MGAT5: variants seen among roughly 807,000 people sequenced by gnomAD.
MGAT5 encodes the protein alpha-1,6-mannosylglycoprotein 6-beta-N-acetylglucosaminyltransferase A.
MGAT5 carries 30 observed loss-of-function variants against 94.3 expected under a neutral mutation model. The ratio of observed to expected loss-of-function variants is 0.32; its 90% confidence interval spans 0.24 to 0.43. MGAT5 has a LOEUF of 0.43. Among genes scored for constraint, MGAT5 ranks in the 20% least tolerant of loss-of-function variants. The pLI, the probability that MGAT5 is intolerant of heterozygous loss-of-function variation, is 1.00. For missense variants in MGAT5, 691 were observed against 905.5 expected (o/e 0.76, Z 3.04); for synonymous variants, 310 against 322.9 (o/e 0.96, Z 0.43).
chr2:134,264,290 G>A (rs933276485), intron 1 of MGAT5, among the ~76,000 whole-genome samples: 12 of 152,136 alleles, frequency 7.9e-5, no homozygotes, highest in African/African-American at 2.4e-4. Flanking sequence ...CCAAAGTGCT[G>A]GGATTACAGG....
At chr2:134,362,481 G>A in intron 10 of MGAT5, 73 bp downstream of exon 10, 1 of 1,561,808 alleles carries the variant, frequency 6.4e-7, no homozygotes. Context: ...TTTGATCCAG[G>A]GAATAATCAA....
chr2:134,147,222 G>A (rs1252565960), intron 1 of MGAT5, among the ~76,000 whole-genome samples: 1 of 152,182 alleles, frequency 6.6e-6, no homozygotes, highest in Non-Finnish European at 1.5e-5. Flanking sequence ...AGAATACTGT[G>A]ATTTGGGAAA....
At chr2:134,198,665 T>C (rs1012306110) in intron 1 of MGAT5, among the ~76,000 whole-genome samples, 3 of 152,194 alleles carry the variant, frequency 2.0e-5, no homozygotes, top group Admixed American at 1.3e-4. Flanking sequence ...TGGGTTCCTA[T>C]GATATATTGT....
intron 1 of MGAT5, among the ~76,000 whole-genome samples, chr2:134,173,015 C>A (rs756757268): frequency 6.6e-6 from 1 of 152,148 alleles, no homozygotes; most frequent in African/African-American, 2.4e-5. Flanking sequence ...GCTAGGAAAT[C>A]GTGTGACCAC....
intron 1 of MGAT5, among the ~76,000 whole-genome samples, chr2:134,214,656 C>T (rs1680375312): frequency 6.6e-6 from 1 of 152,036 alleles, no homozygotes. Context: ...ATACTCTTCT[C>T]ATCCTATCAC....
At chr2:134,236,523 A>G (rs542944982) in intron 1 of MGAT5, among the ~76,000 whole-genome samples, 49 of 152,214 alleles carry the variant, frequency 3.2e-4, no homozygotes, top group Non-Finnish European at 5.7e-4. Context: ...ACAAGATCTA[A>G]TGGTTTTATA....
chr2:134,260,485 TC>T, intron 1 of MGAT5, among the ~76,000 whole-genome samples: 1 of 152,180 alleles, frequency 6.6e-6, no homozygotes, highest in Non-Finnish European at 1.5e-5. Context: ...GTGTTGCAGA[TC>T]CAGATAACGT....
chr2:134,359,829 C>T (rs1487720205), intron 9 of MGAT5, among the ~76,000 whole-genome samples: 3 of 152,230 alleles, frequency 2.0e-5, no homozygotes, highest in Middle Eastern at 3.4e-3. Context: ...AAGACCAGGG[C>T]GCTCTCGGCA....
At chr2:134,253,296 G>C (rs1366829851), upstream of MGAT5, 1 of 152,252 alleles carries the variant, frequency 6.6e-6, no homozygotes, top group African/African-American at 2.4e-5. Flanking sequence ...CCCTTGAGTG[G>C]CACTTAGAAA....
chr2:134,344,598 AG>A (rs1688816973), intron 7 of MGAT5, among the ~76,000 whole-genome samples: 1 of 152,144 alleles, frequency 6.6e-6, no homozygotes, highest in Admixed American at 6.6e-5. Flanking sequence ...GTTTTCTGGA[AG>A]ATGAGCAAAG....
intron 14 of MGAT5, among the ~76,000 whole-genome samples, chr2:134,430,431 G>A (rs3791320): frequency 0.096 from 14,566 of 152,178 alleles, 962 homozygotes; most frequent in East Asian, 0.26. Flanking sequence ...CCATAATGCA[G>A]AGGCTCCACC....
chr2:134,323,294 G>A (rs892257796), intron 4 of MGAT5, among the ~76,000 whole-genome samples: 1 of 152,140 alleles, frequency 6.6e-6, no homozygotes, highest in Non-Finnish European at 1.5e-5. Flanking sequence ...TTCTTTAGAG[G>A]TGGGACTTTG....
In MGAT5 at chr2:134,338,357, A is replaced by G. The variant is rs777502742; in HGVS notation, c.744A>G (p.Ala248=). The change falls in exon 6 of 16, where the codon GCA becomes GCG. Residue 248 remains alanine (A), a synonymous_variant. Transcript: ENST00000281923. The stretch of plus-strand genomic sequence containing the variant: ...TACGGATCCGGCGAATGGCTGACGC[A>G]TGGATCCAAGCAATCAAGTCCCTGG... The part of the protein sequence containing the change: ...MRLRIRRMAD[A]WIQAIKSLAE... The G allele has an allele frequency of 2.5e-6, 4 of 1,613,008 alleles. No individual in the cohort carries two copies. Among genetic ancestry groups the G allele is most frequent in the Admixed American group, 1.7e-5 (1 of 59,842 alleles).
intron 1 of MGAT5, among the ~76,000 whole-genome samples, chr2:134,127,401 G>A (rs1054133025): frequency 6.6e-6 from 1 of 151,856 alleles, no homozygotes; most frequent in Non-Finnish European, 1.5e-5. Flanking sequence ...ACACACAAAT[G>A]TAATTCTCCT....
rs1352201741 is a variant in MGAT5 at position 134,209,177 on chromosome 2, T to A, written c.-142-45085T>A. 3.0e-5 allele frequency among the ~76,000 whole-genome samples: 2 copies of A among 65,682 alleles called. 1 individual carries two copies. The highest frequency in any genetic ancestry group is 1.6e-3 in the East Asian group (2 of 1,278). 43.1% of individuals were successfully genotyped at this position (65,682 alleles called of 152,430 possible). A position where few individuals can be genotyped will look rare whatever the true frequency, so the allele number is the denominator to read the frequency against. On this transcript the variant is annotated intron_variant, in intron 1 of 16. Transcript: ENST00000409645. ...ATTTTTTTTTTTTTTTTTATTTTTTTTTTTATTTTTTAATTATTATTATTA... is the reference window on the plus strand; with the variant it reads ...ATTTTTTTTTTTTTTTTTATTTTTTATTTTATTTTTTAATTATTATTATTA...
intron 8 of MGAT5, among the ~76,000 whole-genome samples, chr2:134,346,836 A>T (rs144574698): frequency 6.6e-6 from 1 of 152,204 alleles, no homozygotes; most frequent in African/African-American, 2.4e-5. Context: ...GTTGAAGGAC[A>T]TACAAGAAAG....
chr2:134,144,150 T>A (rs1403461248), intron 1 of MGAT5, among the ~76,000 whole-genome samples: 1 of 152,164 alleles, frequency 6.6e-6, no homozygotes, highest in Admixed American at 6.5e-5. Flanking sequence ...ACTGGATTAG[T>A]CTGTTCTTGC....
chr2:134,192,072 G>T (rs1430048138), intron 1 of MGAT5, among the ~76,000 whole-genome samples: 4 of 147,220 alleles, frequency 2.7e-5, no homozygotes, highest in Admixed American at 6.7e-5. Flanking sequence ...CCTGGCGCGA[G>T]CGGGTTCCTG....
At chr2:134,208,686 C>G (rs1455085889) in intron 1 of MGAT5, among the ~76,000 whole-genome samples, 2 of 152,150 alleles carry the variant, frequency 1.3e-5, no homozygotes, top group Admixed American at 6.5e-5. Context: ...TAAGGAAGAA[C>G]TTGTATTACT....
Sources: allele counts gnomAD v4.1 joint callset (sites outside exome capture counted in the v4.1 genomes callset), GRCh38; gene constraint gnomAD v4.1.1; transcripts MANE v1.5; gene names NCBI Gene and HGNC (gene_info 2026-07-23, HGNC 2026-07-21).